BRINP2: variants seen among roughly 807,000 people sequenced by gnomAD.
The protein encoded by BRINP2 is BMP/retinoic acid inducible neural specific 2.
Under a neutral mutation model 69.2 loss-of-function variants are expected in BRINP2, and 21 were observed. The ratio of observed to expected loss-of-function variants is 0.30; its 90% CI spans 0.22 to 0.44. BRINP2 has a LOEUF of 0.44. BRINP2 is among the 20% of genes least tolerant of loss of function. BRINP2 has a pLI of 1.00. For missense variants in BRINP2, 877 were observed against 986.0 expected (o/e 0.89, Z 1.48); for synonymous variants, 380 against 394.1 (o/e 0.96, Z 0.42).
At chr1:177,267,837 TCTC>T (rs1205948609) in intron 4 of BRINP2, among the ~76,000 whole-genome samples, 1 of 152,130 alleles carries the variant, frequency 6.6e-6, no homozygotes, top group Non-Finnish European at 1.5e-5. Context: ...CCACTGCCCA[TCTC>T]CTCAAAAGAG....
In BRINP2 at chr1:177,276,416, C is replaced by T. The variant is rs761246346; in HGVS notation, c.994C>T (p.Arg332Trp). ...QIQDSWATHN[R>W]QFEESEEFQA... ...CCAGGACTCCTGGGCCACTCACAACCGGCAGTTTGAAGAGTCAGGTGAGCA... is the reference window on the plus strand; with the variant it reads ...CCAGGACTCCTGGGCCACTCACAACTGGCAGTTTGAAGAGTCAGGTGAGCA... The change falls in exon 6 of 8, where the codon CGG (arginine) becomes TGG (tryptophan). Residue 332 changes from arginine (R) to tryptophan (W), a missense_variant. Physicochemically the swap from Arg to Trp is moderately radical, Grantham distance 101. Around this residue, in one of 3 missense-constraint regions of BRINP2, gnomAD observed 566 missense variants for 625.2 expected, o/e 0.91. Transcript: ENST00000361539. 9.9e-6 allele frequency: 16 copies of T among 1,613,960 alleles called. No homozygotes were observed. Among genetic ancestry groups the T allele is most frequent in the Admixed American group, 6.7e-5 (4 of 60,010 alleles).
At chr1:177,209,667 G>A (rs1365430107) in intron 1 of BRINP2, among the ~76,000 whole-genome samples, 1 of 152,088 alleles carries the variant, frequency 6.6e-6, no homozygotes, top group Non-Finnish European at 1.5e-5. Flanking sequence ...GGAAATGAAA[G>A]GATTGTCTGA....
intron 2 of BRINP2, among the ~76,000 whole-genome samples, chr1:177,231,789 G>A (rs756712569): frequency 6.6e-6 from 1 of 152,216 alleles, no homozygotes; most frequent in African/African-American, 2.4e-5. Flanking sequence ...CACCGAAGCA[G>A]AGAGCACCAA....
chr1:177,237,864 G>A (rs1478021547), intron 2 of BRINP2, among the ~76,000 whole-genome samples: 3 of 152,206 alleles, frequency 2.0e-5, no homozygotes, highest in Admixed American at 1.3e-4. Context: ...ACGCTGTCGA[G>A]TCATATGGTC....
intron 1 of BRINP2, among the ~76,000 whole-genome samples, chr1:177,208,062 G>T (rs1431230414): frequency 6.6e-6 from 1 of 152,168 alleles, no homozygotes; most frequent in African/African-American, 2.4e-5. Context: ...ATGAAATGCT[G>T]CTTTAGAAAT....
At chr1:177,173,315 G>C (rs768066014) in intron 1 of BRINP2, among the ~76,000 whole-genome samples, 3 of 152,234 alleles carry the variant, frequency 2.0e-5, no homozygotes, top group Admixed American at 6.5e-5. Flanking sequence ...AAAAGGCACA[G>C]AGCATGTATA....
At chr1:177,210,771 C>T (rs573992823) in intron 1 of BRINP2, among the ~76,000 whole-genome samples, 3 of 150,202 alleles carry the variant, frequency 2.0e-5, no homozygotes, top group East Asian at 3.9e-4. Context: ...CAAAACTTTC[C>T]GATGAAAAAT....
chr1:177,172,444 G>T (rs1420502412), intron 1 of BRINP2, among the ~76,000 whole-genome samples: 1 of 152,138 alleles, frequency 6.6e-6, no homozygotes, highest in African/African-American at 2.4e-5. Context: ...TGCTGCCTGT[G>T]GTGTGTGTAT....
In BRINP2 at chr1:177,257,223, A is replaced by C. The variant is rs1359483226; in HGVS notation, c.508A>C (p.Lys170Gln). The change falls in exon 4 of 8, where the codon AAG becomes CAG. Residue 170 changes from lysine (K) to glutamine (Q), a missense_variant. Around this residue, in one of 3 missense-constraint regions of BRINP2, gnomAD observed 566 missense variants for 625.2 expected, o/e 0.91. Coordinates refer to ENST00000361539, the MANE Select transcript of BRINP2 (RefSeq NM_021165.4). ...IFVDKQKLGR[K>Q]TETTGGASII... ...TGTGGACAAGCAGAAACTGGGAAGA[A>C]AGACAGAGACAACAGGAGGTGCCTC... The C allele has an allele frequency of 6.2e-7, 1 of 1,614,072 alleles. No homozygotes were observed.
At position 177,278,712 on chromosome 1, in the gene BRINP2, C is replaced by T. The variant is rs138472115; in HGVS notation, c.1162C>T (p.Arg388Trp). 1.4e-5 allele frequency: 23 copies of T among 1,614,088 alleles called. No homozygotes were observed. The highest frequency in any genetic ancestry group is 1.6e-4 in the Middle Eastern group (1 of 6,084). Residue 388 changes from arginine to tryptophan, a missense_variant, in exon 7 of 8, where the codon CGG (arginine) becomes TGG (tryptophan). Transcript: ENST00000361539. ...GAAAGTGCTGTTCAAAAAGACCCATCGGATCCTACGCCGGCTCTTCAACCT... is the reference window on the plus strand; with the variant it reads ...GAAAGTGCTGTTCAAAAAGACCCATTGGATCCTACGCCGGCTCTTCAACCT... The part of the protein sequence containing the change: ...GLKVLFKKTH[R>W]ILRRLFNLCK...
chr1:177,190,567 G>A (rs115155905), intron 1 of BRINP2, among the ~76,000 whole-genome samples: 1 of 152,138 alleles, frequency 6.6e-6, no homozygotes, highest in African/African-American at 2.4e-5. Context: ...TTGTTCCCCT[G>A]GTGGGAGTAA....
At chr1:177,200,112 T>C (rs1648858468) in intron 1 of BRINP2, among the ~76,000 whole-genome samples, 1 of 151,558 alleles carries the variant, frequency 6.6e-6, no homozygotes, top group African/African-American at 2.4e-5. Context: ...GGCAACATGC[T>C]GAAACCCCAT....
chr1:177,278,477 GC>G lies in BRINP2; in HGVS notation c.1013-83del, dbSNP rs1651574422. 43 of 1,282,540 alleles carry G rather than the reference GC, an allele frequency of 3.4e-5. No individual in the cohort carries two copies. The South Asian group carries it at 5.2e-4, about 15-fold the overall frequency. The allele number at this position is 1,282,540 out of a possible 1,614,324, so 79.4% of individuals were successfully genotyped here. A position where few individuals can be genotyped will look rare whatever the true frequency, so the allele number is the denominator to read the frequency against. On this transcript the variant is annotated intron_variant, in intron 6 of 7. Transcript: ENST00000361539. ...CTTTCTCATGCAGTAACTTTGAAGG[GC>G]CCTGGATCTGGGCAGCGTCCACTTG...
chr1:177,183,370 C>A (rs921953526), intron 1 of BRINP2, among the ~76,000 whole-genome samples: 1 of 152,040 alleles, frequency 6.6e-6, no homozygotes, highest in Non-Finnish European at 1.5e-5. Flanking sequence ...AAACAGTTGA[C>A]ACATGCCATA....
intron 1 of BRINP2, among the ~76,000 whole-genome samples, chr1:177,229,375 C>T (rs998967125): frequency 6.6e-6 from 1 of 152,178 alleles, no homozygotes; most frequent in Non-Finnish European, 1.5e-5. Context: ...AGGCAGCCCA[C>T]AGTCTGAGGC....
intron 4 of BRINP2, among the ~76,000 whole-genome samples, chr1:177,268,221 A>C (rs1264546910): frequency 6.6e-6 from 1 of 152,166 alleles, no homozygotes; most frequent in Non-Finnish European, 1.5e-5. Context: ...AGGGAACATT[A>C]CTTTGCTCTC....
chr1:177,208,674 C>G (rs1649130968), intron 1 of BRINP2, among the ~76,000 whole-genome samples: 1 of 152,034 alleles, frequency 6.6e-6, no homozygotes, highest in Non-Finnish European at 1.5e-5. Flanking sequence ...CTGTTATTTC[C>G]TTAATGAACA....
Position 177,263,111 on chromosome 1 carries a change from G to A in BRINP2, c.669+5727G>A, listed in dbSNP as rs564191925. Among the ~76,000 whole-genome samples, 4 of 152,298 alleles carry A rather than the reference G, an allele frequency of 2.6e-5. No homozygotes were observed. In the South Asian group the frequency reaches 8.3e-4, roughly 32 times the overall value. ...ATGGAATATAATTCAGCCAAGGAAT[G>A]AAAAGAAGCCTTTGAGGATGCTAGA... On this transcript the variant is annotated intron_variant, in intron 4 of 7. Coordinates refer to ENST00000361539, the MANE Select transcript of BRINP2 (RefSeq NM_021165.4).
intron 1 of BRINP2, among the ~76,000 whole-genome samples, chr1:177,200,549 C>T (rs746253551): frequency 3.4e-4 from 51 of 152,142 alleles, no homozygotes; most frequent in Non-Finnish European, 5.0e-4. Context: ...GCAGGCTCCT[C>T]CTACCTGTAC....
Sources: allele counts gnomAD v4.1 joint callset (sites outside exome capture counted in the v4.1 genomes callset), GRCh38; gene constraint gnomAD v4.1.1; regional missense constraint gnomAD v4.1.1; transcripts MANE v1.5; gene names NCBI Gene and HGNC (gene_info 2026-07-23, HGNC 2026-07-21).